HPSE2: variants seen among roughly 807,000 people sequenced by gnomAD.
The protein encoded by HPSE2 is inactive heparanase-2.
HPSE2 carries 38 observed loss-of-function variants against 60.5 expected under a neutral mutation model. The ratio of observed to expected loss-of-function variants is 0.63; its 90% confidence interval spans 0.48 to 0.82. The LOEUF (loss-of-function observed/expected upper bound fraction) is 0.82, where lower values mean the gene tolerates loss of function less well. Among genes scored for constraint, HPSE2 ranks in the 40% least tolerant of loss-of-function variants. The pLI is 0.00. For synonymous variants in HPSE2, 295 were observed against 293.2 expected (o/e 1.01, Z -0.06); for missense variants, 713 against 740.4 (o/e 0.96, Z 0.43).
At chr10:98,836,535 A>G (rs893437726) in intron 3 of HPSE2, among the ~76,000 whole-genome samples, 6 of 151,734 alleles carry the variant, frequency 4.0e-5, no homozygotes, top group African/African-American at 1.5e-4. Flanking sequence ...GATAAAAAAA[A>G]TTGTTACAAG....
chr10:98,542,723 T>C (rs1486950698), intron 9 of HPSE2, among the ~76,000 whole-genome samples: 1 of 150,744 alleles, frequency 6.6e-6, no homozygotes, highest in Non-Finnish European at 1.5e-5. Flanking sequence ...GAAGAAAGGG[T>C]ATCAGCGATG....
At chr10:98,661,772 T>TAAATGA (rs1197721127) in intron 6 of HPSE2, among the ~76,000 whole-genome samples, 1 of 152,182 alleles carries the variant, frequency 6.6e-6, no homozygotes, top group Non-Finnish European at 1.5e-5. Context: ...AAAGGTGAAA[T>TAAATGA]AAATGACCTT....
At chr10:99,278,407 G>C in the HPSE2 span, among the ~76,000 whole-genome samples, 1 of 151,906 alleles carries the variant, frequency 6.6e-6, no homozygotes, top group Non-Finnish European at 1.5e-5. Flanking sequence ...CCCTATCATT[G>C]GCATGCAGCT....
intron 3 of HPSE2, among the ~76,000 whole-genome samples, chr10:98,764,615 A>G (rs1447219798): frequency 1.3e-5 from 2 of 152,202 alleles, no homozygotes; most frequent in East Asian, 1.9e-4. Context: ...GCACCTTGGG[A>G]GGCAGAGGCA....
chr10:99,156,637 G>C (rs61883597), intron 2 of HPSE2, among the ~76,000 whole-genome samples: 8,231 of 69,206 alleles, frequency 0.12, 692 homozygotes, highest in East Asian at 0.18. Flanking sequence ...AACCCACAGC[G>C]AATATCATAC....
chr10:99,180,702 T>C (rs770587145), intron 2 of HPSE2, among the ~76,000 whole-genome samples: 1 of 151,300 alleles, frequency 6.6e-6, no homozygotes, highest in Non-Finnish European at 1.5e-5. Context: ...CTGGGCAACA[T>C]GGTGAAATCC....
chr10:98,904,388 A>G (rs1953752130), intron 3 of HPSE2, among the ~76,000 whole-genome samples: 1 of 152,204 alleles, frequency 6.6e-6, no homozygotes, highest in African/African-American at 2.4e-5. Flanking sequence ...TGACAAGAAC[A>G]CAGGCATGGT....
At chr10:98,470,428 C>T (rs1940731650) in intron 11 of HPSE2, among the ~76,000 whole-genome samples, 2 of 152,188 alleles carry the variant, frequency 1.3e-5, no homozygotes, top group Non-Finnish European at 2.9e-5. Flanking sequence ...CAGTTTAATG[C>T]TCCAGGCCCC....
At chr10:98,544,961 A>C (rs1192460772) in intron 9 of HPSE2, among the ~76,000 whole-genome samples, 5 of 152,050 alleles carry the variant, frequency 3.3e-5, no homozygotes, top group Non-Finnish European at 7.4e-5. Context: ...ATAAAAAATG[A>C]CAAAGGGGAT....
chr10:98,527,430 T>C (rs1214452273), intron 9 of HPSE2, among the ~76,000 whole-genome samples: 1 of 152,166 alleles, frequency 6.6e-6, no homozygotes, highest in Admixed American at 6.5e-5. Context: ...TACCTCTAGC[T>C]TTCCTCTCTG....
At chr10:98,824,918 G>T (rs957693803) in intron 3 of HPSE2, among the ~76,000 whole-genome samples, 1 of 152,094 alleles carries the variant, frequency 6.6e-6, no homozygotes, top group Non-Finnish European at 1.5e-5. Context: ...GTTTCATAAC[G>T]GTAAACATGT....
chr10:98,971,644 T>G (rs1955956713), intron 3 of HPSE2, among the ~76,000 whole-genome samples: 2 of 152,210 alleles, frequency 1.3e-5, no homozygotes, highest in African/African-American at 4.8e-5. Context: ...TTTTAAGTGT[T>G]GCATAACATT....
At chr10:98,889,465 C>G (rs1953271008) in intron 3 of HPSE2, among the ~76,000 whole-genome samples, 1 of 151,810 alleles carries the variant, frequency 6.6e-6, no homozygotes, top group Non-Finnish European at 1.5e-5. Flanking sequence ...GCCTTGGCTT[C>G]CCAAAGTGCT....
intron 3 of HPSE2, among the ~76,000 whole-genome samples, chr10:98,814,510 A>C (rs940267021): frequency 1.3e-5 from 2 of 152,234 alleles, no homozygotes; most frequent in African/African-American, 4.8e-5. Context: ...AGAGGCAGAC[A>C]ATCATCATCA....
At chr10:98,617,165 T>C (rs1263929096) in intron 8 of HPSE2, among the ~76,000 whole-genome samples, 1 of 152,208 alleles carries the variant, frequency 6.6e-6, no homozygotes, top group African/African-American at 2.4e-5. Context: ...AGCATCTTCA[T>C]GTCAATACAG....
chr10:99,249,868 G>A, the HPSE2 span, among the ~76,000 whole-genome samples: 1 of 152,126 alleles, frequency 6.6e-6, no homozygotes, highest in East Asian at 1.9e-4. Context: ...TAGTGGCCAG[G>A]TGTGGTGACT....
chr10:99,034,899 T>A (rs1957575941), intron 3 of HPSE2, among the ~76,000 whole-genome samples: 1 of 152,148 alleles, frequency 6.6e-6, no homozygotes, highest in African/African-American at 2.4e-5. Flanking sequence ...AGTAAAAATA[T>A]GGTATAAAAG....
chr10:99,270,099 C>G, the HPSE2 span, among the ~76,000 whole-genome samples: 7 of 152,090 alleles, frequency 4.6e-5, no homozygotes, highest in South Asian at 1.5e-3. Context: ...TAAACCAAAC[C>G]CAAACCCAGC....
intron 3 of HPSE2, among the ~76,000 whole-genome samples, chr10:99,101,360 T>A (rs1843976517): frequency 6.6e-6 from 1 of 152,066 alleles, no homozygotes; most frequent in Non-Finnish European, 1.5e-5. Context: ...TAAAACAGAC[T>A]TTAAACCAAC....
Sources: allele counts gnomAD v4.1 joint callset (sites outside exome capture counted in the v4.1 genomes callset), GRCh38; gene constraint gnomAD v4.1.1; transcripts MANE v1.5; gene names NCBI Gene and HGNC (gene_info 2026-07-23, HGNC 2026-07-21).